The following NDRG3 variants were observed in gnomAD, a reference collection of about 807,000 sequenced individuals.
The protein encoded by NDRG3 is protein NDRG3.
A neutral mutation model predicts 57.2 loss-of-function variants in NDRG3; 23 were observed. That is an observed-to-expected ratio of 0.40 (90% CI 0.29 to 0.57). NDRG3 has a LOEUF of 0.57. NDRG3 is among the 20% of genes least tolerant of loss of function. The probability of loss-of-function intolerance (pLI) is 0.42; values close to 1 mark genes in which losing one functional copy is unlikely to be tolerated. For synonymous variants in NDRG3, 132 were observed against 162.6 expected, an observed-to-expected ratio of 0.81 and a Z score of 1.43; for missense variants, 384 against 457.3, an observed-to-expected ratio of 0.84 and a Z score of 1.46.
intron 9 of NDRG3, 100 bp downstream of exon 9, chr20:36,671,241 G>T (rs971328891): frequency 3.1e-6 from 3 of 955,476 alleles, no homozygotes; most frequent in Non-Finnish European, 5.0e-6. Flanking sequence ...TACTTGCTAG[G>T]ATCAGGTAAA....
chr20:36,699,238 G>A (rs1983048195), intron 3 of NDRG3, among the ~76,000 whole-genome samples: 1 of 152,138 alleles, frequency 6.6e-6, no homozygotes, highest in Non-Finnish European at 1.5e-5. Flanking sequence ...AGCCAGCACA[G>A]CCAGCCTATA....
rs1026656050 is a variant in NDRG3, at chr20:36,695,576, G to A, written c.94-6792C>T. The stretch of plus-strand genomic sequence containing the variant: ...GTGGGAGTGTCTGCCTTATGCAGTT[G>A]TAGATAGGGATGAAACACGTCCTGG... On this transcript the variant is annotated intron_variant, in intron 3 of 15. Transcript: ENST00000349004. Among the ~76,000 whole-genome samples, 8 of 152,328 alleles carry A rather than the reference G, an allele frequency of 5.3e-5. No individual in the cohort carries two copies. In the East Asian group the frequency reaches 1.5e-3, roughly 29 times the overall value.
rs1480498186 is a variant in NDRG3 at position 36,688,728 on chromosome 20, G to A, written c.150C>T (p.Pro50=). 6.2e-7 allele frequency: 1 copy of A among 1,613,982 alleles called. No homozygotes were observed. Among genetic ancestry groups the A allele is most frequent in the South Asian group, 1.1e-5 (1 of 91,082 alleles). ...GVVHVTIRGL[P]KGNRPVILTY... ...TTAGTATAACTGGTCTGTTTCCTTT[G>A]GGTAAGCCTCTTATAGTGACGTGGA... is the stretch of plus-strand genomic sequence containing the variant. The change falls in exon 4 of 16, where the codon CCC becomes CCT. Residue 50 remains proline (P), a synonymous_variant. Transcript: ENST00000349004.
At chr20:36,686,139 G>A (rs1201673669) in intron 5 of NDRG3, among the ~76,000 whole-genome samples, 1 of 152,234 alleles carries the variant, frequency 6.6e-6, no homozygotes, top group Non-Finnish European at 1.5e-5. Flanking sequence ...CACTTAAGGG[G>A]ATGGTGTGCT....
At position 36,706,958 on chromosome 20, in the gene NDRG3, T is replaced by C. The variant is rs772927014; in HGVS notation, c.93+14A>G. On this transcript the variant is annotated intron_variant, in intron 3 of 15. Coordinates refer to ENST00000349004, the MANE Select transcript of NDRG3 (RefSeq NM_032013.4). ...TCCTGTACAGAGCCTCCTTCTTGCTTGTACAGTCCTTACCTGACAGTCAAA... is the reference window on the plus strand; with the variant it reads ...TCCTGTACAGAGCCTCCTTCTTGCTCGTACAGTCCTTACCTGACAGTCAAA... 1.2e-6 allele frequency: 2 copies of C among 1,612,340 alleles called. No individual in the cohort carries two copies. Among genetic ancestry groups the C allele is most frequent in the Non-Finnish European group, 1.7e-6 (2 of 1,178,562 alleles).
chr20:36,739,841 C>T (rs914165561), intron 1 of NDRG3, among the ~76,000 whole-genome samples: 1 of 136,276 alleles, frequency 7.3e-6, no homozygotes, highest in African/African-American at 2.7e-5. Flanking sequence ...ACCTGGTAGG[C>T]GGAGCTTGCA....
At chr20:36,679,629 G>A (rs1394081016) in intron 8 of NDRG3, among the ~76,000 whole-genome samples, 2 of 151,124 alleles carry the variant, frequency 1.3e-5, no homozygotes, top group Non-Finnish European at 2.9e-5. Flanking sequence ...TCAGCCCCCC[G>A]AGTAGCTGGG....
intron 8 of NDRG3, among the ~76,000 whole-genome samples, chr20:36,674,595 CT>C (rs561643631): frequency 0.043 from 4,981 of 116,778 alleles, 108 homozygotes; most frequent in Middle Eastern, 0.094. Context: ...ATCAATAAAG[CT>C]TTTTTTTTTT....
At chr20:36,733,187 T>A (rs1185416446) in intron 1 of NDRG3, among the ~76,000 whole-genome samples, 4 of 55,882 alleles carry the variant, frequency 7.2e-5, no homozygotes, top group African/African-American at 2.7e-4. Context: ...TATATATATA[T>A]ATATATATAT....
intron 1 of NDRG3, among the ~76,000 whole-genome samples, chr20:36,722,389 TGA>T (rs1984643776): frequency 1.3e-5 from 2 of 152,184 alleles, no homozygotes; most frequent in Admixed American, 1.3e-4. Flanking sequence ...CCACAGAAAC[TGA>T]GAGACAATGA....
At chr20:36,676,798 G>A (rs1225490663) in intron 8 of NDRG3, among the ~76,000 whole-genome samples, 1 of 152,264 alleles carries the variant, frequency 6.6e-6, no homozygotes, top group East Asian at 1.9e-4. Context: ...TGAGTTGAAT[G>A]CAAGTGATGG....
intron 3 of NDRG3, among the ~76,000 whole-genome samples, chr20:36,693,562 G>T (rs1982523296): frequency 6.6e-6 from 1 of 152,024 alleles, no homozygotes; most frequent in African/African-American, 2.4e-5. Flanking sequence ...ACAGGAGGAG[G>T]TGAGTGGCAG....
intron 8 of NDRG3, among the ~76,000 whole-genome samples, chr20:36,674,795 G>T (rs1980510890): frequency 2.7e-5 from 4 of 150,116 alleles, no homozygotes; most frequent in South Asian, 2.1e-4. Flanking sequence ...TGTTGACCAG[G>T]CTGGTCTTAA....
chr20:36,708,378 G>A (rs749764910), intron 2 of NDRG3, among the ~76,000 whole-genome samples: 2 of 152,028 alleles, frequency 1.3e-5, no homozygotes, highest in African/African-American at 2.4e-5. Context: ...GGCCGGGCAC[G>A]GTGACTTATG....
At position 36,714,331 on chromosome 20, in the gene NDRG3, G is replaced by T. The variant is rs375591704; in HGVS notation, c.58-7324C>A. On this transcript the variant is annotated intron_variant, in intron 2 of 15. Transcript: ENST00000349004. ...GAGGCAGGAGAATTGCTTGAACTGGGGAGGCAGAGGTTGCAGTGAGCCGAG... is the reference window on the plus strand; with the variant it reads ...GAGGCAGGAGAATTGCTTGAACTGGTGAGGCAGAGGTTGCAGTGAGCCGAG... Among the ~76,000 whole-genome samples the T allele has an allele frequency of 2.9e-4, 43 of 147,212 alleles. 2 individuals carry two copies. The South Asian group carries it at 8.9e-3, about 31-fold the overall frequency.
intron 1 of NDRG3, among the ~76,000 whole-genome samples, chr20:36,739,531 G>C (rs1334922687): frequency 6.6e-6 from 1 of 151,516 alleles, no homozygotes; most frequent in Non-Finnish European, 1.5e-5. Context: ...CACTGGGCCA[G>C]GCACAGTGGC....
intron 2 of NDRG3, among the ~76,000 whole-genome samples, chr20:36,711,231 A>G (rs985023712): frequency 1.3e-5 from 2 of 151,430 alleles, no homozygotes; most frequent in Non-Finnish European, 2.9e-5. Context: ...GTGAGCAGAG[A>G]TCACGCCACT....
At chr20:36,657,545 G>A (rs867922263) in intron 13 of NDRG3, among the ~76,000 whole-genome samples, 53 of 151,804 alleles carry the variant, frequency 3.5e-4, no homozygotes, top group African/African-American at 1.2e-3. Context: ...TGAATCTACT[G>A]TCCACAGAAA....
At chr20:36,722,650 G>A (rs1173848569) in intron 1 of NDRG3, among the ~76,000 whole-genome samples, 3 of 152,130 alleles carry the variant, frequency 2.0e-5, no homozygotes, top group Non-Finnish European at 4.4e-5. Flanking sequence ...TGAAAGAGGA[G>A]GGAACCAAGG....
Sources: gnomAD v4.1 joint callset for allele counts (sites outside exome capture counted in the v4.1 genomes callset) on GRCh38, gnomAD v4.1.1 for gene constraint, MANE v1.5 for transcripts, NCBI Gene and HGNC (gene_info 2026-07-23, HGNC 2026-07-21) for gene names.